The following SPECC1 variants were observed in gnomAD, a reference collection of about 807,000 sequenced individuals.
SPECC1 encodes the protein sperm antigen with calponin homology and coiled-coil domains 1.
Under a neutral mutation model 104.1 loss-of-function variants are expected in SPECC1, and 62 were observed. The observed-to-expected ratio is 0.60, with a 90% CI of 0.49 to 0.74. The LOEUF (loss-of-function observed/expected upper bound fraction) is 0.74. SPECC1 is among the 30% of genes least tolerant of loss of function. The pLI is 0.00. For synonymous variants in SPECC1, 513 were observed against 501.6 expected (o/e 1.02, Z -0.30); for missense variants, 1,306 against 1,310.5 (o/e 1.00, Z 0.05).
At chr17:20,039,350 T>C (rs1238434539) in intron 1 of SPECC1, among the ~76,000 whole-genome samples, 2 of 152,174 alleles carry the variant, frequency 1.3e-5, no homozygotes, top group African/African-American at 4.8e-5. Flanking sequence ...AGAGAGGGTG[T>C]TGAATCTCCA....
intron 3 of SPECC1, among the ~76,000 whole-genome samples, chr17:20,115,809 AT>A (rs2048726791): frequency 6.6e-6 from 1 of 152,202 alleles, no homozygotes; most frequent in Non-Finnish European, 1.5e-5. Context: ...AGCGATTCCC[AT>A]TAAAGTCAAA....
intron 3 of SPECC1, among the ~76,000 whole-genome samples, chr17:20,137,344 C>T (rs2030122206): frequency 6.6e-6 from 1 of 152,226 alleles, no homozygotes; most frequent in Non-Finnish European, 1.5e-5. Flanking sequence ...GGACAAGCTG[C>T]TTAGTGTCTC....
chr17:20,112,675 A>G (rs758553632), intron 3 of SPECC1: 5 of 1,033,194 alleles, frequency 4.8e-6, no homozygotes, highest in African/African-American at 4.7e-5. Context: ...GTTCTAATGT[A>G]GAAGGAGCAT....
chr17:20,108,537 T>C (rs1028113392), intron 2 of SPECC1, among the ~76,000 whole-genome samples: 6 of 152,212 alleles, frequency 3.9e-5, no homozygotes, highest in African/African-American at 1.4e-4. Context: ...ATTACCATCA[T>C]TTGATTGTGC....
At chr17:20,136,690 T>G (rs1278287496) in intron 3 of SPECC1, among the ~76,000 whole-genome samples, 1 of 152,208 alleles carries the variant, frequency 6.6e-6, no homozygotes, top group Admixed American at 6.5e-5. Context: ...ATGCAAATAG[T>G]AACGTAAATG....
chr17:20,041,707 T>C (rs2045338429), intron 1 of SPECC1, among the ~76,000 whole-genome samples: 2 of 140,062 alleles, frequency 1.4e-5, no homozygotes, highest in African/African-American at 5.1e-5. Flanking sequence ...GGCTCACTGC[T>C]CCTCTTCCCA....
intron 3 of SPECC1, among the ~76,000 whole-genome samples, chr17:20,185,349 T>C (rs2035192754): frequency 6.6e-6 from 1 of 152,216 alleles, no homozygotes; most frequent in Non-Finnish European, 1.5e-5. Context: ...TATAAAAGGC[T>C]GTGCAGGCCC....
chr17:20,140,094 A>G (rs527373321), intron 3 of SPECC1, among the ~76,000 whole-genome samples: 1 of 152,298 alleles, frequency 6.6e-6, no homozygotes, highest in East Asian at 1.9e-4. Context: ...CTCTCGTCCT[A>G]TGTGAGTAGG....
chr17:20,177,879 T>G (rs536907150), intron 3 of SPECC1, among the ~76,000 whole-genome samples: 1 of 151,990 alleles, frequency 6.6e-6, no homozygotes, highest in South Asian at 2.1e-4. Flanking sequence ...CCGGCTAATT[T>G]TTGTATTTTT....
At chr17:20,054,347 A>C (rs781236695) in intron 1 of SPECC1, among the ~76,000 whole-genome samples, 3 of 152,218 alleles carry the variant, frequency 2.0e-5, no homozygotes, top group Non-Finnish European at 4.4e-5. Flanking sequence ...TCAGCCATCA[A>C]AAATAGCCGG....
At chr17:20,021,684 A>AT (rs1491289583) in intron 1 of SPECC1, among the ~76,000 whole-genome samples, 6 of 107,984 alleles carry the variant, frequency 5.6e-5, no homozygotes, top group Admixed American at 5.5e-4. Flanking sequence ...TAATATAATA[A>AT]TATATATATA....
Position 20,176,822 on chromosome 17 carries a change from CTCTT to C in SPECC1, c.284-27509_284-27506del, listed in dbSNP as rs1406990992. Among the ~76,000 whole-genome samples the C allele has an allele frequency of 3.3e-5, 5 of 152,188 alleles. No individual in the cohort carries two copies. The East Asian group carries it at 9.6e-4, about 29-fold the overall frequency. ...AGCCCAGCAGAGAATTCAGGATAAT[CTCTT>C]TATCTCAATATCCTTAAGCACATCT... On this transcript the variant is annotated intron_variant, in intron 3 of 14. Transcript: ENST00000395527.
At chr17:20,168,587 C>T (rs151016485) in intron 3 of SPECC1, among the ~76,000 whole-genome samples, 85 of 152,076 alleles carry the variant, frequency 5.6e-4, no homozygotes, top group African/African-American at 2.0e-3. Flanking sequence ...ATATACTAGC[C>T]AAACCAGTAA....
intron 12 of SPECC1, among the ~76,000 whole-genome samples, chr17:20,273,290 G>A (rs1273199962): frequency 6.6e-6 from 1 of 152,098 alleles, no homozygotes; most frequent in Non-Finnish European, 1.5e-5. Context: ...TCAAGACCAG[G>A]CTGGCCAACA....
intron 8 of SPECC1, 72 bp from the exon 9 acceptor site, chr17:20,247,144 CAAG>C (rs1176997334): frequency 8.3e-7 from 1 of 1,209,550 alleles, no homozygotes; most frequent in Non-Finnish European, 1.2e-6. Context: ...AAAAAAGTAA[CAAG>C]AAATCAGGAA....
At chr17:20,020,147 G>A (rs888007069) in intron 1 of SPECC1, among the ~76,000 whole-genome samples, 1 of 152,242 alleles carries the variant, frequency 6.6e-6, no homozygotes, top group Non-Finnish European at 1.5e-5. Flanking sequence ...AAAACACCAC[G>A]CTGACATTAC....
rs1240731225 is a variant in SPECC1 at position 20,153,165 on chromosome 17, A to G, written c.283+42603A>G. On this transcript the variant is annotated intron_variant, in intron 3 of 14. Transcript: ENST00000395527. ...CATTTGCCAGGCAGCTCAGTTATGG[A>G]CGAGGTGTTGAAACCGACGGAATAT... 3.3e-5 allele frequency among the ~76,000 whole-genome samples: 5 copies of G among 152,340 alleles called. No homozygotes were observed. The East Asian group carries it at 9.6e-4, about 29-fold the overall frequency.
rs1315797280 is a variant in SPECC1, at chr17:20,318,023, A to G, written c.*3958A>G. The G allele has an allele frequency of 2.2e-5, 5 of 229,728 alleles. No homozygotes were observed. Among genetic ancestry groups the G allele is most frequent in the African/African-American group, 6.6e-5 (3 of 45,124 alleles). The allele number at this position is 229,728 out of a possible 1,614,324, so 14.2% of individuals were successfully genotyped here. On this transcript the variant is annotated 3_prime_UTR_variant, in exon 15 of 15. Coordinates refer to ENST00000395527, the MANE Select transcript of SPECC1 (RefSeq NM_001243439.2). ...ACAAGGTCAGCATCTTATTTTTTCT[A>G]TACTCAGCAGAGTGTGCCATTCCCA...
At chr17:20,029,773 T>C (rs1187409325) in intron 1 of SPECC1, among the ~76,000 whole-genome samples, 9 of 152,234 alleles carry the variant, frequency 5.9e-5, no homozygotes, top group Non-Finnish European at 1.3e-4. Context: ...TTTCTGATTC[T>C]AGTAATTTGA....
Sources: allele counts gnomAD v4.1 joint callset (sites outside exome capture counted in the v4.1 genomes callset), GRCh38; gene constraint gnomAD v4.1.1; transcripts MANE v1.5; gene names NCBI Gene and HGNC (gene_info 2026-07-23, HGNC 2026-07-21).